RNF38: variants seen among roughly 807,000 people sequenced by gnomAD.
The protein encoded by RNF38 is E3 ubiquitin-protein ligase RNF38.
Under a neutral mutation model 67.2 loss-of-function variants are expected in RNF38, and 15 were observed. That is an observed-to-expected ratio of 0.22 (90% confidence interval 0.15 to 0.34). The LOEUF is 0.34. RNF38 is among the 10% of genes least tolerant of loss of function. RNF38 has a pLI of 1.00. For missense variants in RNF38, 524 were observed against 639.9 expected (o/e 0.82, Z 1.95); for synonymous variants, 220 against 218.8 (o/e 1.01, Z -0.05).
chr9:36,477,909 C>G (rs1840159150), intron 1 of RNF38, among the ~76,000 whole-genome samples: 1 of 151,826 alleles, frequency 6.6e-6, no homozygotes, highest in Non-Finnish European at 1.5e-5. Flanking sequence ...GGAAGGACTG[C>G]TTGAGCCTGG....
chr9:36,445,155 G>A (rs1839272825), intron 1 of RNF38, among the ~76,000 whole-genome samples: 1 of 152,144 alleles, frequency 6.6e-6, no homozygotes, highest in African/African-American at 2.4e-5. Flanking sequence ...ATTCTAGAAT[G>A]ACAGAGAAGG....
At chr9:36,392,933 G>A (rs1168274772) in intron 1 of RNF38, among the ~76,000 whole-genome samples, 1 of 151,836 alleles carries the variant, frequency 6.6e-6, no homozygotes, top group Non-Finnish European at 1.5e-5. Flanking sequence ...TTAATGTGAA[G>A]GTAAGAGTTA....
At chr9:36,452,466 T>C (rs1839474513) in intron 1 of RNF38, among the ~76,000 whole-genome samples, 1 of 152,166 alleles carries the variant, frequency 6.6e-6, no homozygotes, top group African/African-American at 2.4e-5. Flanking sequence ...TGCTCTTTTG[T>C]GTCTGGTTTC....
intron 1 of RNF38, among the ~76,000 whole-genome samples, chr9:36,441,222 T>C (rs1839184457): frequency 6.6e-6 from 1 of 152,208 alleles, no homozygotes; most frequent in African/African-American, 2.4e-5. Context: ...TGACCTTAGC[T>C]ATTTATATGC....
intron 3 of RNF38, among the ~76,000 whole-genome samples, chr9:36,371,525 C>T (rs891444143): frequency 1.3e-5 from 2 of 150,558 alleles, no homozygotes; most frequent in East Asian, 2.0e-4. Flanking sequence ...CGGCTCACTG[C>T]GACCTCTGCC....
intron 1 of RNF38, among the ~76,000 whole-genome samples, chr9:36,391,550 C>G (rs1306141717): frequency 6.6e-6 from 1 of 151,758 alleles, no homozygotes; most frequent in African/African-American, 2.4e-5. Flanking sequence ...TTCACTCAAT[C>G]CTACATTTAA....
intron 5 of RNF38, among the ~76,000 whole-genome samples, chr9:36,357,210 T>C (rs1834195974): frequency 6.6e-6 from 1 of 152,176 alleles, no homozygotes; most frequent in Non-Finnish European, 1.5e-5. Context: ...AAAAAAAAGT[T>C]AGTGTGAATC....
At chr9:36,431,569 G>C (rs1023633521) in intron 1 of RNF38, among the ~76,000 whole-genome samples, 1 of 152,166 alleles carries the variant, frequency 6.6e-6, no homozygotes, top group Non-Finnish European at 1.5e-5. Flanking sequence ...AGAGGCACAT[G>C]GGGTTAAGAT....
chr9:36,479,970 T>C (rs1033890085), intron 1 of RNF38, among the ~76,000 whole-genome samples: 3 of 151,850 alleles, frequency 2.0e-5, no homozygotes, highest in Non-Finnish European at 4.4e-5. Context: ...TATCTGTAAA[T>C]GTGAATTTTT....
chr9:36,486,307 T>C (rs1202819148), intron 1 of RNF38, among the ~76,000 whole-genome samples: 1 of 152,040 alleles, frequency 6.6e-6, no homozygotes, highest in Admixed American at 6.6e-5. Flanking sequence ...GGAAATCCCA[T>C]GTATTACATG....
intron 1 of RNF38, among the ~76,000 whole-genome samples, chr9:36,446,972 A>G (rs1171414903): frequency 1.3e-5 from 2 of 151,524 alleles, no homozygotes; most frequent in Non-Finnish European, 2.9e-5. Context: ...TACAAAAAAA[A>G]AAAACATAGC....
In RNF38 at chr9:36,449,819, T is replaced by G. The variant is rs948519836; in HGVS notation, n.242-25136A>C. Among the ~76,000 whole-genome samples the G allele has an allele frequency of 3.9e-5, 6 of 152,214 alleles. No homozygotes were observed. In the South Asian group the frequency reaches 1.0e-3, roughly 26 times the overall value. On this transcript the variant is annotated intron_variant and non_coding_transcript_variant, in intron 1 of 3. Coordinates refer to the RNF38 transcript ENST00000488058. ...AAGCAGGGGAAGTTGCTCAACTGGA[T>G]GGAAGAAGCTTTGTGGACTTCTCAC...
intron 1 of RNF38, among the ~76,000 whole-genome samples, chr9:36,453,827 ATAAT>A (rs751405689): frequency 2.6e-5 from 4 of 152,228 alleles, no homozygotes; most frequent in Admixed American, 1.3e-4. Flanking sequence ...CAGCCAGAGA[ATAAT>A]TAGTTTTTAA....
chr9:36,442,281 C>T (rs1052581631), intron 1 of RNF38, among the ~76,000 whole-genome samples: 3 of 152,146 alleles, frequency 2.0e-5, no homozygotes, highest in African/African-American at 7.2e-5. Flanking sequence ...CAACTCAAGC[C>T]TCAAAAAAGC....
chr9:36,422,571 C>G (rs532501789), intron 2 of RNF38, among the ~76,000 whole-genome samples: 5 of 152,330 alleles, frequency 3.3e-5, no homozygotes, highest in African/African-American at 1.2e-4. Flanking sequence ...ACATAGCTAC[C>G]TATCGATAAG....
intron 1 of RNF38, among the ~76,000 whole-genome samples, chr9:36,397,249 G>T (rs1049161689): frequency 6.6e-6 from 1 of 151,812 alleles, no homozygotes; most frequent in Non-Finnish European, 1.5e-5. Flanking sequence ...CAGAGTAGCG[G>T]ATTACAGGTG....
chr9:36,343,881 G>A (rs569863962), intron 10 of RNF38, among the ~76,000 whole-genome samples: 2 of 152,240 alleles, frequency 1.3e-5, no homozygotes, highest in South Asian at 4.1e-4. Context: ...GCACCAAGGT[G>A]AGGTAGAAAT....
At position 36,356,364 on chromosome 9, in the gene RNF38, T is replaced by C; in HGVS notation, c.848A>G (p.His283Arg). ...LIHPPHLSPH[H>R]PPHLPPPGQF... is the part of the protein sequence containing the mutation. ...GCCTGGTGGTGGCAAATGAGGAGGA[T>C]GATGGGGAGAAAGGTGAGGAGGATG... Residue 283 changes from histidine to arginine, a missense_variant, in exon 6 of 12, where the codon CAT becomes CGT. Physicochemically the swap from His to Arg is conservative, Grantham distance 29 (BLOSUM62 0). Coordinates refer to ENST00000259605, the MANE Select transcript of RNF38 (RefSeq NM_022781.5). The C allele has an allele frequency of 6.2e-7, 1 of 1,613,876 alleles. No individual in the cohort carries two copies. The highest frequency in any genetic ancestry group is 8.5e-7 in the Non-Finnish European group (1 of 1,179,976).
intron 2 of RNF38, among the ~76,000 whole-genome samples, chr9:36,377,340 CA>C (rs1487226534): frequency 6.6e-6 from 1 of 151,984 alleles, no homozygotes; most frequent in Non-Finnish European, 1.5e-5. Flanking sequence ...TATACCACTG[CA>C]AAAATATACA....
Sources: allele counts gnomAD v4.1 joint callset (sites outside exome capture counted in the v4.1 genomes callset), GRCh38; gene constraint gnomAD v4.1.1; transcripts MANE v1.5; gene names NCBI Gene and HGNC (gene_info 2026-07-23, HGNC 2026-07-21).